YAP1: variants seen among roughly 807,000 people sequenced by gnomAD.
YAP1 encodes the protein Yes1 associated transcriptional regulator, also known as transcriptional coactivator YAP1.
Under a neutral mutation model 56.9 loss-of-function variants are expected in YAP1, and 5 were observed. The ratio of observed to expected loss-of-function variants is 0.09; its 90% confidence interval spans 0.05 to 0.18. The LOEUF is 0.18. Among genes scored for constraint, YAP1 ranks in the 10% least tolerant of loss-of-function variants. YAP1 has a pLI of 1.00. For missense variants in YAP1, 539 were observed against 651.8 expected (o/e 0.83, Z 1.88); for synonymous variants, 265 against 248.1 (o/e 1.07, Z -0.64).
At position 102,229,890 on chromosome 11, in the gene YAP1, G is replaced by C; in HGVS notation, c.1465G>C (p.Val489Leu). The C allele has an allele frequency of 4.3e-6, 7 of 1,614,092 alleles. No homozygotes were observed. Among genetic ancestry groups the C allele is most frequent in the Non-Finnish European group, 5.9e-6 (7 of 1,179,982 alleles). The change falls in exon 9 of 9, where the codon GTT (valine) becomes CTT (leucine). Residue 489 changes from valine to leucine, a missense_variant. Transcript: ENST00000282441. ...SSDILNDMES[V>L]LAATKLDKES... ...TGACATCCTTAATGACATGGAGTCT[G>C]TTTTGGCTGCCACCAAGCTAGATAA...
intron 2 of YAP1, among the ~76,000 whole-genome samples, chr11:102,132,899 C>G (rs893843688): frequency 1.1e-4 from 17 of 152,120 alleles, no homozygotes; most frequent in African/African-American, 3.6e-4. Context: ...TGGTTCATGC[C>G]TGTAATCCCA....
rs1009171661 is a variant in YAP1, at chr11:102,164,035, T to A, written c.688+1464T>A. Among the ~76,000 whole-genome samples, 76 of 123,242 alleles carry A rather than the reference T, an allele frequency of 6.2e-4. 1 individual carries two copies. Among genetic ancestry groups the A allele is most frequent in the Non-Finnish European group, 7.3e-4 (39 of 53,308 alleles). The allele number at this position is 123,242 out of a possible 152,430, so 80.9% of individuals were successfully genotyped here. On this transcript the variant is annotated intron_variant, in intron 3 of 8. Transcript: ENST00000282441. ...TTTATATGTGACACTTAAGTAAAAA[T>A]TTTTTTTTTTTTTTTTTATTGAGAC...
chr11:102,189,366 A>G (rs1174919574), intron 4 of YAP1, among the ~76,000 whole-genome samples: 3 of 152,210 alleles, frequency 2.0e-5, no homozygotes, highest in Non-Finnish European at 4.4e-5. Context: ...TAAAACACTA[A>G]TAGTTGATAA....
intron 2 of YAP1, among the ~76,000 whole-genome samples, chr11:102,148,979 G>A (rs536377381): frequency 6.6e-6 from 1 of 152,120 alleles, no homozygotes; most frequent in African/African-American, 2.4e-5. Context: ...ATGATAGATA[G>A]AGCCTATTAA....
rs1238150999 is a variant in YAP1 at position 102,229,981 on chromosome 11, A to C, written c.*41A>C. The C allele has an allele frequency of 6.4e-7, 1 of 1,555,454 alleles. No individual in the cohort carries two copies. Among genetic ancestry groups the C allele is most frequent in the African/African-American group, 1.4e-5 (1 of 73,352 alleles). On this transcript the variant is annotated 3_prime_UTR_variant, in exon 9 of 9. Transcript: ENST00000282441. Reference sequence around the variant, plus strand: ...TGAATTCTAAATCTGTGAAGGATCTAAGGAGACACATGCACCGGAAATTTC... The same window carrying C: ...TGAATTCTAAATCTGTGAAGGATCTCAGGAGACACATGCACCGGAAATTTC...
At position 102,110,663 on chromosome 11, in the gene YAP1, G is replaced by A; in HGVS notation, c.-186G>A. The A allele has an allele frequency of 2.8e-6, 1 of 351,158 alleles. No homozygotes were observed. Among genetic ancestry groups the A allele is most frequent in the Non-Finnish European group, 4.5e-6 (1 of 223,466 alleles). 21.8% of individuals were successfully genotyped at this position (351,158 alleles called of 1,614,324 possible). A position where few individuals can be genotyped will look rare whatever the true frequency, so the allele number is the denominator to read the frequency against. ...GACCAGTGGAGCCGGGGCGCAGGGCGGGGGCGGAGGCGCCGGGGCGGGGGA... is the reference window on the plus strand; with the variant it reads ...GACCAGTGGAGCCGGGGCGCAGGGCAGGGGCGGAGGCGCCGGGGCGGGGGA... On this transcript the variant is annotated 5_prime_UTR_variant, in exon 1 of 9. Coordinates refer to ENST00000282441, the MANE Select transcript of YAP1 (RefSeq NM_001130145.3).
chr11:102,203,496 A>G (rs10791568), intron 4 of YAP1, among the ~76,000 whole-genome samples: 142,643 of 152,238 alleles, frequency 0.94, 67,500 homozygotes, highest in East Asian at 1. Flanking sequence ...AATACATGTT[A>G]AAATTATGGG....
At chr11:102,118,773 A>G (rs749347509) in intron 2 of YAP1, among the ~76,000 whole-genome samples, 2 of 151,590 alleles carry the variant, frequency 1.3e-5, no homozygotes, top group Non-Finnish European at 2.9e-5. Flanking sequence ...GACTATGAAC[A>G]TATACAGTGT....
At chr11:102,127,219 A>G (rs1002458608) in intron 2 of YAP1, among the ~76,000 whole-genome samples, 1 of 152,212 alleles carries the variant, frequency 6.6e-6, no homozygotes, top group Non-Finnish European at 1.5e-5. Flanking sequence ...TTAATCCCCA[A>G]GACCAAGGGG....
At chr11:102,225,197 C>T (rs930295142) in intron 7 of YAP1, among the ~76,000 whole-genome samples, 3 of 150,282 alleles carry the variant, frequency 2.0e-5, no homozygotes, top group African/African-American at 2.4e-5. Context: ...AAAAAAACAA[C>T]TCTTGGCTGG....
At chr11:102,157,798 A>G (rs1453081650) in intron 2 of YAP1, among the ~76,000 whole-genome samples, 1 of 152,224 alleles carries the variant, frequency 6.6e-6, no homozygotes, top group African/African-American at 2.4e-5. Context: ...TTTATCAGAA[A>G]AAATTCAGTG....
chr11:102,127,373 GC>G (rs1944095315), intron 2 of YAP1, among the ~76,000 whole-genome samples: 1 of 152,202 alleles, frequency 6.6e-6, no homozygotes, highest in South Asian at 2.1e-4. Flanking sequence ...CTGTGTCTCA[GC>G]CACTCCAGCT....
At chr11:102,213,063 G>A (rs1348745828) in intron 6 of YAP1, among the ~76,000 whole-genome samples, 1 of 152,220 alleles carries the variant, frequency 6.6e-6, no homozygotes, top group Non-Finnish European at 1.5e-5. Flanking sequence ...AAATTGGAGA[G>A]ACCTTTTGAG....
intron 3 of YAP1, among the ~76,000 whole-genome samples, chr11:102,183,948 G>C (rs1364413752): frequency 6.6e-6 from 1 of 150,738 alleles, no homozygotes; most frequent in Non-Finnish European, 1.5e-5. Flanking sequence ...GTAGTGGCGG[G>C]CGCCTGTAGT....
chr11:102,165,234 G>C (rs902657512), intron 3 of YAP1, among the ~76,000 whole-genome samples: 3 of 151,852 alleles, frequency 2.0e-5, no homozygotes, highest in Non-Finnish European at 4.4e-5. Context: ...GTGCATAAGT[G>C]AAGTCTCACC....
At chr11:102,130,437 C>G (rs575350328) in intron 2 of YAP1, among the ~76,000 whole-genome samples, 3 of 152,044 alleles carry the variant, frequency 2.0e-5, no homozygotes, top group East Asian at 3.9e-4. Flanking sequence ...GGCTCTCATT[C>G]CAGTTGCCCA....
chr11:102,218,490 G>A (rs760700768), intron 6 of YAP1, among the ~76,000 whole-genome samples: 2 of 152,102 alleles, frequency 1.3e-5, no homozygotes, highest in Non-Finnish European at 2.9e-5. Flanking sequence ...TTTTCTTCTC[G>A]AATATTTCGA....
intron 2 of YAP1, among the ~76,000 whole-genome samples, chr11:102,116,691 A>G (rs1943307162): frequency 6.6e-6 from 1 of 152,230 alleles, no homozygotes; most frequent in Admixed American, 6.5e-5. Context: ...AGGAGGAGAG[A>G]TAAGACATGA....
At chr11:102,221,460 A>T (rs753783505) in intron 6 of YAP1, among the ~76,000 whole-genome samples, 1 of 152,210 alleles carries the variant, frequency 6.6e-6, no homozygotes, top group African/African-American at 2.4e-5. Context: ...GCAGTGGCCT[A>T]TGCTTGTAAT....
Sources: gnomAD v4.1 joint callset for allele counts (sites outside exome capture counted in the v4.1 genomes callset) on GRCh38, gnomAD v4.1.1 for gene constraint, MANE v1.5 for transcripts, NCBI Gene and HGNC (gene_info 2026-07-23, HGNC 2026-07-21) for gene names.